DPP6: variants seen among roughly 807,000 people sequenced by gnomAD.
DPP6 encodes A-type potassium channel modulatory protein DPP6.
In DPP6, 69 loss-of-function variants were observed where a neutral mutation model predicts 122.6. The observed-to-expected ratio is 0.56, with a 90% CI of 0.46 to 0.69. The LOEUF (loss-of-function observed/expected upper bound fraction) is 0.69. DPP6 is among the 30% of genes least tolerant of loss of function. The pLI, the probability that DPP6 is intolerant of heterozygous loss-of-function variation, is 0.00. For missense variants in DPP6, 928 were observed against 1,116.9 expected (o/e 0.83, Z 2.41); for synonymous variants, 418 against 433.1 (o/e 0.97, Z 0.43).
intron 5 of DPP6, among the ~76,000 whole-genome samples, chr7:154,580,694 G>A (rs554593880): frequency 1.3e-5 from 2 of 152,312 alleles, no homozygotes; most frequent in East Asian, 3.9e-4. Flanking sequence ...AGAGGCTTGA[G>A]TCAGGGAAGG....
chr7:154,344,733 A>G (rs1403834606), intron 1 of DPP6, among the ~76,000 whole-genome samples: 1 of 152,052 alleles, frequency 6.6e-6, no homozygotes, highest in Non-Finnish European at 1.5e-5. Flanking sequence ...CTAAAAATAC[A>G]AAAAATTAGC....
At chr7:154,201,525 G>A (rs1011973199) in intron 1 of DPP6, among the ~76,000 whole-genome samples, 1 of 152,150 alleles carries the variant, frequency 6.6e-6, no homozygotes, top group African/African-American at 2.4e-5. Flanking sequence ...TCCAATTAGG[G>A]CCTCATCCAC....
chr7:154,456,614 A>C (rs1397830710), intron 2 of DPP6, among the ~76,000 whole-genome samples: 4 of 152,144 alleles, frequency 2.6e-5, no homozygotes, highest in Non-Finnish European at 5.9e-5. Flanking sequence ...GATCCTGTTA[A>C]TGTTTTCTTT....
At chr7:153,906,690 A>C (rs543511648) in intron 1 of DPP6, among the ~76,000 whole-genome samples, 85 of 152,278 alleles carry the variant, frequency 5.6e-4, no homozygotes, top group African/African-American at 1.9e-3. Flanking sequence ...AGACTCAAGC[A>C]ATCCACCCGC....
intron 1 of DPP6, among the ~76,000 whole-genome samples, chr7:154,283,715 T>C (rs1477342298): frequency 1.3e-5 from 2 of 152,190 alleles, no homozygotes; most frequent in East Asian, 1.9e-4. Context: ...AAATTGAAGC[T>C]TGGATGGGCA....
intron 1 of DPP6, among the ~76,000 whole-genome samples, chr7:154,115,006 G>C (rs750607962): frequency 3.9e-5 from 6 of 152,196 alleles, no homozygotes; most frequent in Non-Finnish European, 8.8e-5. Flanking sequence ...AGAGTTATGA[G>C]GTGTAAACCT....
At position 154,458,541 on chromosome 7, in the gene DPP6, G is replaced by A. The variant is rs149556593; in HGVS notation, c.358+12213G>A. On this transcript the variant is annotated intron_variant, in intron 2 of 25. Transcript: ENST00000377770. ...TGCAGCCCTGCTGACACTTGTATTT[G>A]GGCCCAGTGAAGCTGATTTTAGACT... 2.8e-3 allele frequency among the ~76,000 whole-genome samples: 430 copies of A among 152,300 alleles called. 1 individual carries two copies. Among genetic ancestry groups the A allele is most frequent in the African/African-American group, 9.9e-3 (410 of 41,572 alleles).
In DPP6 at chr7:154,800,551, C is replaced by T. The variant is rs149679598; in HGVS notation, c.1300-804C>T. Among the ~76,000 whole-genome samples, 496 of 152,346 alleles carry T rather than the reference C, an allele frequency of 3.3e-3. 1 individual carries two copies. The highest frequency in any genetic ancestry group is 0.011 in the African/African-American group (474 of 41,578). ...CTGTGGGCTGGTGGAAGGCTGAGGC[C>T]GCTGGCTGTTCACTGTCCGGGGACC... On this transcript the variant is annotated intron_variant, in intron 12 of 25. Coordinates refer to ENST00000377770, the MANE Select transcript of DPP6 (RefSeq NM_130797.4).
At chr7:153,767,406 C>T in the DPP6 span, among the ~76,000 whole-genome samples, 10 of 152,190 alleles carry the variant, frequency 6.6e-5, no homozygotes, top group Non-Finnish European at 1.5e-5. Flanking sequence ...TCACTCTTGT[C>T]GCTCAGACTG....
At chr7:154,463,363 A>G (rs1290987352) in intron 2 of DPP6, among the ~76,000 whole-genome samples, 3 of 150,808 alleles carry the variant, frequency 2.0e-5, no homozygotes, top group Non-Finnish European at 3.0e-5. Flanking sequence ...GCGCGCCACC[A>G]CGCCCGGCTA....
chr7:154,541,427 A>C (rs547061939), intron 4 of DPP6, among the ~76,000 whole-genome samples: 1 of 152,210 alleles, frequency 6.6e-6, no homozygotes, highest in Non-Finnish European at 1.5e-5. Context: ...GAGCCACTGT[A>C]CTCGACCCCA....
intron 1 of DPP6, among the ~76,000 whole-genome samples, chr7:154,128,018 G>A (rs1234381784): frequency 2.0e-5 from 3 of 149,926 alleles, no homozygotes; most frequent in Non-Finnish European, 3.0e-5. Context: ...GTGGAAGAAA[G>A]CCCAAGAACG....
chr7:154,484,543 C>T (rs773471405), intron 3 of DPP6, among the ~76,000 whole-genome samples: 9 of 152,182 alleles, frequency 5.9e-5, no homozygotes, highest in Non-Finnish European at 1.0e-4. Flanking sequence ...AGAAGCTGCT[C>T]GCTGGGCCTG....
At chr7:154,471,597 G>A (rs909271344) in intron 2 of DPP6, among the ~76,000 whole-genome samples, 1 of 151,798 alleles carries the variant, frequency 6.6e-6, no homozygotes, top group Non-Finnish European at 1.5e-5. Flanking sequence ...TACCTAGACA[G>A]AATCTCAAAA....
rs77816407 is a variant in DPP6, at chr7:154,572,510, C to CTTTTTT, written c.627+5615_627+5620dup. On this transcript the variant is annotated intron_variant, in intron 5 of 25. Coordinates refer to ENST00000377770, the MANE Select transcript of DPP6 (RefSeq NM_130797.4). The stretch of plus-strand genomic sequence containing the variant: ...ATATGAGTTTCTTTTTTTTTCTTTT[C>CTTTTTT]TTTTTTTTTTTTTTTTTTTTTTTTT... Among the ~76,000 whole-genome samples the CTTTTTT allele has an allele frequency of 1.5e-3, 131 of 86,144 alleles. 1 individual carries two copies. Among genetic ancestry groups the CTTTTTT allele is most frequent in the Non-Finnish European group, 2.2e-3 (97 of 44,558 alleles). The allele number at this position is 86,144 out of a possible 152,430, so 56.5% of individuals were successfully genotyped here. A position where few individuals can be genotyped will look rare whatever the true frequency, so the allele number is the denominator to read the frequency against.
intron 7 of DPP6, among the ~76,000 whole-genome samples, chr7:154,698,421 C>A (rs192183561): frequency 6.6e-6 from 1 of 152,062 alleles, no homozygotes; most frequent in Admixed American, 6.5e-5. Flanking sequence ...TGTATATTTG[C>A]GAATTGTCGT....
At chr7:154,777,293 G>A (rs1173555353) in intron 10 of DPP6, among the ~76,000 whole-genome samples, 1 of 152,156 alleles carries the variant, frequency 6.6e-6, no homozygotes, top group Non-Finnish European at 1.5e-5. Flanking sequence ...AGTGGGAAGT[G>A]TTCAGGATGG....
At chr7:153,838,140 C>T in the DPP6 span, among the ~76,000 whole-genome samples, 1 of 152,086 alleles carries the variant, frequency 6.6e-6, no homozygotes, top group Admixed American at 6.6e-5. Flanking sequence ...TGTGTCTACA[C>T]GTTAAACCAC....
intron 1 of DPP6, among the ~76,000 whole-genome samples, chr7:154,372,447 A>G (rs1031290352): frequency 2.6e-5 from 4 of 152,148 alleles, no homozygotes; most frequent in African/African-American, 7.2e-5. Flanking sequence ...TGTGCTGAAC[A>G]CACTGTGCCT....
Sources: gnomAD v4.1 joint callset for allele counts (sites outside exome capture counted in the v4.1 genomes callset) on GRCh38, gnomAD v4.1.1 for gene constraint, MANE v1.5 for transcripts, NCBI Gene and HGNC (gene_info 2026-07-23, HGNC 2026-07-21) for gene names.